TDRD10: variants seen among roughly 807,000 people sequenced by gnomAD.
TDRD10 encodes the protein tudor domain-containing protein 10.
A neutral mutation model predicts 48.0 loss-of-function variants in TDRD10; 40 were observed. The observed-to-expected ratio is 0.83, with a 90% CI of 0.65 to 1.09. The LOEUF (loss-of-function observed/expected upper bound fraction) is 1.09. TDRD10 is among the 50% of genes least tolerant of loss of function. TDRD10 has a pLI of 0.00. For synonymous variants in TDRD10, 162 were observed against 170.4 expected, an observed-to-expected ratio of 0.95 and a Z score of 0.38; for missense variants, 378 against 434.7, an observed-to-expected ratio of 0.87 and a Z score of 1.16.
At chr1:154,543,852 A>G in intron 8 of TDRD10, 111 bp from the exon 9 acceptor site, 2 of 1,484,306 alleles carry the variant, frequency 1.3e-6, no homozygotes, top group Non-Finnish European at 1.8e-6. Context: ...TGCTTAGGGG[A>G]CTCATCCCCC....
chr1:154,526,536 A>G (rs1570939468), intron 6 of TDRD10, among the ~76,000 whole-genome samples: 2 of 151,472 alleles, frequency 1.3e-5, no homozygotes, highest in Non-Finnish European at 1.5e-5. Flanking sequence ...GCTTACTGCA[A>G]CCTCTGCCTC....
At chr1:154,541,908 G>A (rs1695255264) in intron 6 of TDRD10, 116 bp from the exon 7 acceptor site, 1 of 1,012,620 alleles carries the variant, frequency 9.9e-7, no homozygotes, top group Non-Finnish European at 1.5e-6. Context: ...TAAAGTCGGA[G>A]TCAGAACAGG....
chr1:154,507,394 G>A, intron 3 of TDRD10, 74 bp downstream of exon 3: 3 of 1,538,938 alleles, frequency 1.9e-6, no homozygotes, highest in Non-Finnish European at 1.8e-6. Context: ...ATGGTTCCCA[G>A]TCTGCCCAGT....
intron 6 of TDRD10, among the ~76,000 whole-genome samples, chr1:154,535,532 G>A (rs1570964416): frequency 6.6e-6 from 1 of 151,944 alleles, no homozygotes; most frequent in South Asian, 2.1e-4. Flanking sequence ...GACAAAAAAT[G>A]TGCCGGGTGT....
At chr1:154,519,964 A>G (rs1185670781) in intron 4 of TDRD10, among the ~76,000 whole-genome samples, 2 of 152,186 alleles carry the variant, frequency 1.3e-5, no homozygotes, top group African/African-American at 4.8e-5. Context: ...TGTGGAAGTC[A>G]CTTCTTCCTG....
chr1:154,524,415 C>T (rs1038159670), intron 6 of TDRD10, among the ~76,000 whole-genome samples: 1 of 152,174 alleles, frequency 6.6e-6, no homozygotes, highest in Non-Finnish European at 1.5e-5. Context: ...GATCTGCCCA[C>T]CTTGGCCTCT....
intron 3 of TDRD10, among the ~76,000 whole-genome samples, chr1:154,508,082 A>G (rs1231681775): frequency 6.6e-6 from 1 of 152,184 alleles, no homozygotes; most frequent in African/African-American, 2.4e-5. Flanking sequence ...AGGGGTATGC[A>G]TGGCCAGCAC....
intron 6 of TDRD10, 66 bp downstream of exon 6, chr1:154,521,545 G>A: frequency 1.3e-6 from 2 of 1,532,416 alleles, no homozygotes; most frequent in African/African-American, 1.4e-5. Context: ...GGCTGACTTT[G>A]CTTTCAGTGC....
intron 1 of TDRD10, among the ~76,000 whole-genome samples, chr1:154,503,618 C>T (rs1397235824): frequency 6.6e-6 from 1 of 152,122 alleles, no homozygotes; most frequent in Non-Finnish European, 1.5e-5. Flanking sequence ...AACAAAAAAA[C>T]ACCTTTCTGG....
intron 4 of TDRD10, among the ~76,000 whole-genome samples, chr1:154,515,598 C>T (rs904342488): frequency 3.3e-5 from 5 of 152,234 alleles, no homozygotes; most frequent in African/African-American, 1.2e-4. Context: ...AGGTGGCCTT[C>T]TCAGAGGCCC....
chr1:154,503,313 C>T (rs1692919475), intron 1 of TDRD10, among the ~76,000 whole-genome samples: 2 of 152,160 alleles, frequency 1.3e-5, no homozygotes, highest in Admixed American at 1.3e-4. Flanking sequence ...TGAGGCCGGG[C>T]GCGGTGGCTC....
At chr1:154,542,117 A>C (rs1254822146) in intron 7 of TDRD10, 51 bp downstream of exon 7, 1 of 1,600,646 alleles carries the variant, frequency 6.2e-7, no homozygotes, top group African/African-American at 1.3e-5. Context: ...TGCAGCTCCT[A>C]ATGGACCTCT....
intron 4 of TDRD10, among the ~76,000 whole-genome samples, chr1:154,517,929 T>G (rs1271472513): frequency 1.3e-5 from 2 of 152,160 alleles, no homozygotes. Flanking sequence ...GGGACTGACT[T>G]GCACTCCCAC....
At chr1:154,507,669 C>T (rs1324190429) in intron 3 of TDRD10, among the ~76,000 whole-genome samples, 1 of 152,226 alleles carries the variant, frequency 6.6e-6, no homozygotes, top group Non-Finnish European at 1.5e-5. Context: ...TCACCCGTAT[C>T]ACCCAGCCAG....
At chr1:154,540,418 C>G (rs923535297) in intron 6 of TDRD10, among the ~76,000 whole-genome samples, 1 of 149,412 alleles carries the variant, frequency 6.7e-6, no homozygotes, top group Non-Finnish European at 1.5e-5. Flanking sequence ...TGCCTGGAAT[C>G]CCAGCACTCT....
chr1:154,506,747 T>C, intron 1 of TDRD10, 130 bp from the exon 2 acceptor site: 1 of 764,678 alleles, frequency 1.3e-6, no homozygotes, highest in Non-Finnish European at 2.3e-6. Context: ...ATTCATAGGT[T>C]CTAGGGATTA....
At position 154,507,271 on chromosome 1, in the gene TDRD10, T is replaced by C; in HGVS notation, c.33T>C (p.Ser11=). 2 of 1,614,152 alleles carry C rather than the reference T, an allele frequency of 1.2e-6. No individual in the cohort carries two copies. Among genetic ancestry groups the C allele is most frequent in the Non-Finnish European group, 1.7e-6 (2 of 1,180,048 alleles). Residue 11 remains serine, a synonymous_variant, in exon 3 of 13, where the codon TCT becomes TCC. Transcript: ENST00000368482. ...GGAACATTAGTCACCCCCAACTCTC[T>C]GATAAACTGTTTGGGAAGAATGGAG... The part of the protein sequence containing the change: MSWNISHPQL[S]DKLFGKNGVL...
intron 4 of TDRD10, among the ~76,000 whole-genome samples, chr1:154,509,116 A>G (rs1693308623): frequency 1.4e-5 from 1 of 69,266 alleles, no homozygotes; most frequent in Admixed American, 1.9e-4. Flanking sequence ...TTTTTTTGGC[A>G]TCTACTACAT....
chr1:154,546,833 T>C (rs1251861730), intron 11 of TDRD10, among the ~76,000 whole-genome samples: 3 of 152,130 alleles, frequency 2.0e-5, no homozygotes, highest in East Asian at 1.9e-4. Context: ...AATGAACTCA[T>C]ACTTAATAGC....
Sources: gnomAD v4.1 joint callset for allele counts (sites outside exome capture counted in the v4.1 genomes callset) on GRCh38, gnomAD v4.1.1 for gene constraint, MANE v1.5 for transcripts, NCBI Gene and HGNC (gene_info 2026-07-23, HGNC 2026-07-21) for gene names.